Variants in KIF26B observed in about 807,000 individuals in gnomAD.
The protein encoded by KIF26B is kinesin family member 26B, also known as kinesin-like protein KIF26B.
Under a neutral mutation model 151.2 loss-of-function variants are expected in KIF26B, and 63 were observed. That is an observed-to-expected ratio of 0.42 (90% CI 0.34 to 0.51). The LOEUF is 0.51. Among genes scored for constraint, KIF26B ranks in the 20% least tolerant of loss-of-function variants. The pLI, the probability that KIF26B is intolerant of heterozygous loss-of-function variation, is 0.07. For missense variants in KIF26B, 2,813 were observed against 2,913.6 expected, an observed-to-expected ratio of 0.97 and a Z score of 0.79; for synonymous variants, 1,357 against 1,262.1, an observed-to-expected ratio of 1.08 and a Z score of -1.59.
chr1:245,623,540 A>C (rs1312168484), intron 9 of KIF26B, among the ~76,000 whole-genome samples: 4 of 152,226 alleles, frequency 2.6e-5, no homozygotes, highest in South Asian at 2.1e-4. Context: ...AAATAAAAGT[A>C]CTAAAGGTTG....
Position 245,607,778 on chromosome 1 carries a change from T to C in KIF26B, c.1651+34T>C, listed in dbSNP as rs1031317138. The C allele has an allele frequency of 1.2e-5, 19 of 1,526,516 alleles. No homozygotes were observed. In the African/African-American group the frequency reaches 2.2e-4, roughly 18 times the overall value. The allele number at this position is 1,526,516 out of a possible 1,614,324, so 94.6% of individuals were successfully genotyped here. ...GAGTTTCACTTTCTCATGCGGCTCG[T>C]TGAGCTCCCTGTCATCCCATGCATT... On this transcript the variant is annotated intron_variant, in intron 7 of 14. Transcript: ENST00000407071.
In KIF26B at chr1:245,688,468, G is replaced by T; in HGVS notation, c.5485G>T (p.Ala1829Ser). The change falls in exon 12 of 15, where the codon GCG becomes TCG. Residue 1829 changes from alanine to serine, a missense_variant. Around this residue, in one of 3 missense-constraint regions of KIF26B, gnomAD observed 2,060 missense variants for 2,088.6 expected, o/e 0.99. Transcript: ENST00000407071. ...RGLQLRAGPE[A>S]EARGGALAED... Reference sequence around the variant, plus strand: ...CTTGCAGCTGCGGGCCGGGCCCGAGGCGGAGGCGCGCGGGGGGGCCCTGGC... The same window carrying T: ...CTTGCAGCTGCGGGCCGGGCCCGAGTCGGAGGCGCGCGGGGGGGCCCTGGC... 1 of 1,376,002 alleles carries T rather than the reference G, an allele frequency of 7.3e-7. No homozygotes were observed. The highest frequency in any genetic ancestry group is 9.3e-7 in the Non-Finnish European group (1 of 1,076,122). 85.2% of individuals were successfully genotyped at this position (1,376,002 alleles called of 1,614,324 possible). A position where few individuals can be genotyped will look rare whatever the true frequency, so the allele number is the denominator to read the frequency against.
chr1:245,303,529 G>A (rs1455085270), intron 2 of KIF26B, among the ~76,000 whole-genome samples: 1 of 152,176 alleles, frequency 6.6e-6, no homozygotes, highest in Non-Finnish European at 1.5e-5. Flanking sequence ...TTCCAGCCCT[G>A]ACATTGAACT....
intron 4 of KIF26B, among the ~76,000 whole-genome samples, chr1:245,465,746 C>T (rs1317735253): frequency 3.9e-5 from 6 of 152,292 alleles, no homozygotes; most frequent in East Asian, 3.9e-4. Flanking sequence ...GCGCAGTGCT[C>T]CTGCCAGCCG....
At chr1:245,265,996 T>A (rs1670739023) in intron 2 of KIF26B, among the ~76,000 whole-genome samples, 1 of 152,150 alleles carries the variant, frequency 6.6e-6, no homozygotes, top group Admixed American at 6.6e-5. Context: ...AGAATATCAG[T>A]TTATCAAAAG....
chr1:245,171,594 A>T (rs1447692414), intron 2 of KIF26B, among the ~76,000 whole-genome samples: 2 of 152,230 alleles, frequency 1.3e-5, no homozygotes, highest in Non-Finnish European at 2.9e-5. Context: ...TGTCAATTGA[A>T]ATAAAGGCCA....
At chr1:245,210,448 T>C (rs1386081355) in intron 2 of KIF26B, among the ~76,000 whole-genome samples, 4 of 151,680 alleles carry the variant, frequency 2.6e-5, no homozygotes, top group Non-Finnish European at 5.9e-5. Flanking sequence ...TGTGGTGTTC[T>C]GGTGGTAAAT....
intron 6 of KIF26B, among the ~76,000 whole-genome samples, chr1:245,605,972 C>T (rs2043448811): frequency 6.6e-6 from 1 of 152,180 alleles, no homozygotes; most frequent in Non-Finnish European, 1.5e-5. Context: ...TCTCAGCCTC[C>T]TGCCTCCCAT....
chr1:245,252,882 A>G (rs1030711083), intron 2 of KIF26B, among the ~76,000 whole-genome samples: 1 of 152,132 alleles, frequency 6.6e-6, no homozygotes, highest in Non-Finnish European at 1.5e-5. Context: ...TGATATGGGT[A>G]CACATGCTTT....
intron 4 of KIF26B, among the ~76,000 whole-genome samples, chr1:245,466,993 G>A (rs763100642): frequency 2.0e-5 from 3 of 152,154 alleles, no homozygotes; most frequent in South Asian, 4.1e-4. Context: ...CACTCACTTC[G>A]AGAAGAAGGC....
Position 245,357,102 on chromosome 1 carries a change from G to A in KIF26B, c.466-9732G>A, listed in dbSNP as rs146251810. Among the ~76,000 whole-genome samples the A allele has an allele frequency of 2.9e-3, 445 of 152,292 alleles. 3 individuals carry two copies. Among genetic ancestry groups the A allele is most frequent in the Non-Finnish European group, 4.7e-3 (318 of 68,024 alleles). ...TCAGGGAACAAGTGTAGGAGCTGAG[G>A]GCAGAGAGGGACCAGGAGGCCGAGT... is the stretch of plus-strand genomic sequence containing the variant. On this transcript the variant is annotated intron_variant, in intron 2 of 14. Coordinates refer to ENST00000407071, the MANE Select transcript of KIF26B (RefSeq NM_018012.4).
At chr1:245,574,864 C>CTTTTTTTTTTTTTTTTTTTTT (rs201010492) in intron 5 of KIF26B, among the ~76,000 whole-genome samples, 1 of 126,250 alleles carries the variant, frequency 7.9e-6, no homozygotes, top group Non-Finnish European at 1.7e-5. Flanking sequence ...TTTTTTTTTT[C>CTTTTTTTTTTTTTTTTTTTTT]TTTTTTTTTT....
In KIF26B at chr1:245,702,406, G is replaced by C; in HGVS notation, c.6179-52G>C. On this transcript the variant is annotated intron_variant, in intron 14 of 14. Transcript: ENST00000407071. This position sits in a 1 kb window ranked among gnomAD's most constrained non-coding sequence, Gnocchi z 4.1. ...GCTCCAGGCTGAGCCGTCGGGAGTT[G>C]CTTCTCACCCTGTTTGCTCTGCGTC... The C allele has an allele frequency of 6.2e-7, 1 of 1,605,532 alleles. No individual in the cohort carries two copies. Among genetic ancestry groups the C allele is most frequent in the Non-Finnish European group, 8.5e-7 (1 of 1,173,768 alleles).
intron 2 of KIF26B, among the ~76,000 whole-genome samples, chr1:245,349,577 A>AG (rs1388418926): frequency 6.7e-6 from 1 of 149,682 alleles, no homozygotes; most frequent in Non-Finnish European, 1.5e-5. Context: ...AAAAAAAAAA[A>AG]AAGCCAACAA....
intron 5 of KIF26B, among the ~76,000 whole-genome samples, chr1:245,587,124 C>G (rs969218503): frequency 6.6e-6 from 1 of 152,190 alleles, no homozygotes; most frequent in South Asian, 2.1e-4. Context: ...AGCCTGCCCC[C>G]CTGCACCTTG....
intron 4 of KIF26B, among the ~76,000 whole-genome samples, chr1:245,474,528 C>T (rs1383043334): frequency 1.3e-5 from 2 of 150,536 alleles, no homozygotes; most frequent in Non-Finnish European, 3.0e-5. Context: ...TCTCCTGCCT[C>T]AGCCTCCCGA....
chr1:245,325,066 G>A (rs1671959638), intron 2 of KIF26B, among the ~76,000 whole-genome samples: 1 of 142,434 alleles, frequency 7.0e-6, no homozygotes, highest in African/African-American at 2.7e-5. Context: ...CTGCACTCCA[G>A]CCTGGACGAC....
chr1:245,175,235 A>T (rs1035468337), intron 2 of KIF26B, among the ~76,000 whole-genome samples: 6 of 152,148 alleles, frequency 3.9e-5, no homozygotes, highest in African/African-American at 1.4e-4. Flanking sequence ...ATTCCATTAC[A>T]ACCCCTAGCC....
chr1:245,303,346 C>A (rs1474916803), intron 2 of KIF26B, among the ~76,000 whole-genome samples: 7 of 151,172 alleles, frequency 4.6e-5, no homozygotes, highest in Non-Finnish European at 8.8e-5. Context: ...CTACAGGTGC[C>A]CGCCACCACG....
Sources: allele counts gnomAD v4.1 joint callset (sites outside exome capture counted in the v4.1 genomes callset), GRCh38; gene constraint gnomAD v4.1.1; regional missense constraint gnomAD v4.1.1; non-coding constraint Gnocchi (gnomAD v3.1); transcripts MANE v1.5; gene names NCBI Gene and HGNC (gene_info 2026-07-23, HGNC 2026-07-21).